Variants in NKAIN2 observed in about 807,000 individuals in gnomAD.
The protein encoded by NKAIN2 is sodium/potassium-transporting ATPase subunit beta-1-interacting protein 2.
A neutral mutation model predicts 32.6 loss-of-function variants in NKAIN2; 14 were observed. The ratio of observed to expected loss-of-function variants is 0.43; its 90% CI spans 0.28 to 0.67. NKAIN2 has a LOEUF of 0.67. Ranked by LOEUF, NKAIN2 falls within the 30% of genes least tolerant of loss-of-function variation. NKAIN2 has a pLI of 0.17. For synonymous variants in NKAIN2, 80 were observed against 87.2 expected (o/e 0.92, Z 0.46); for missense variants, 198 against 258.3 (o/e 0.77, Z 1.60).
intron 3 of NKAIN2, among the ~76,000 whole-genome samples, chr6:124,449,283 G>A (rs1544839): frequency 0.69 from 104,193 of 151,732 alleles, 38,091 homozygotes; most frequent in South Asian, 0.81. Context: ...TTATGTTCCT[G>A]TAATGGCTGC....
rs534443156 is a variant in NKAIN2, at chr6:124,438,285, A to T, written c.273+82938A>T. 2.6e-5 allele frequency among the ~76,000 whole-genome samples: 4 copies of T among 152,210 alleles called. No homozygotes were observed. In the South Asian group the frequency reaches 8.3e-4, roughly 32 times the overall value. ...ATAATGTTTTTTTTCCAAACACTTC[A>T]CCTTATAAACACTACACCCACTCAG... On this transcript the variant is annotated intron_variant, in intron 3 of 6. Coordinates refer to ENST00000368417, the MANE Select transcript of NKAIN2 (RefSeq NM_001040214.3).
Position 124,823,524 on chromosome 6 carries a change from CAGA to C in NKAIN2, c.*298_*300del, listed in dbSNP as rs773117429. 39 of 388,694 alleles carry C rather than the reference CAGA, an allele frequency of 1.0e-4. No homozygotes were observed. The highest frequency in any genetic ancestry group is 1.8e-4 in the Non-Finnish European group (39 of 212,792). The allele number at this position is 388,694 out of a possible 1,614,324, so 24.1% of individuals were successfully genotyped here. On this transcript the variant is annotated 3_prime_UTR_variant, in exon 7 of 7. Transcript: ENST00000368417. ...CTTTCTCCCAGGCCTTCGGAAAGTT[CAGA>C]AGGAGATGTGTTGATGCCCAACGGT...
chr6:124,228,502 C>T (rs967533249), intron 1 of NKAIN2, among the ~76,000 whole-genome samples: 1 of 152,120 alleles, frequency 6.6e-6, no homozygotes, highest in Non-Finnish European at 1.5e-5. Flanking sequence ...AACATCTCTC[C>T]AAAGCCCCAT....
rs556232301 is a variant in NKAIN2, at chr6:124,610,650, A to T, written c.274-47536A>T. Among the ~76,000 whole-genome samples, 17 of 152,276 alleles carry T rather than the reference A, an allele frequency of 1.1e-4. No homozygotes were observed. In the South Asian group the frequency reaches 2.3e-3, roughly 20 times the overall value. On this transcript the variant is annotated intron_variant, in intron 3 of 6. Transcript: ENST00000368417. ...TTTGACACTAGTTTTCTGGAGTACA[A>T]GAGTGTCATTATGTCCTTATGTCTC...
chr6:124,364,963 A>G (rs1420355758), intron 3 of NKAIN2, among the ~76,000 whole-genome samples: 2 of 151,972 alleles, frequency 1.3e-5, no homozygotes, highest in Non-Finnish European at 2.9e-5. Context: ...TATTATGGAA[A>G]TGTTAATGGT....
intron 1 of NKAIN2, among the ~76,000 whole-genome samples, chr6:124,162,308 C>T (rs1315958180): frequency 6.6e-6 from 1 of 152,084 alleles, no homozygotes; most frequent in Non-Finnish European, 1.5e-5. Context: ...AAGACTTCTT[C>T]TACTCAAGTT....
At chr6:124,802,617 A>T (rs1406342425) in intron 5 of NKAIN2, among the ~76,000 whole-genome samples, 2 of 152,010 alleles carry the variant, frequency 1.3e-5, no homozygotes, top group African/African-American at 4.8e-5. Context: ...GTTAGTTCTC[A>T]TCTCCCTCAT....
intron 3 of NKAIN2, among the ~76,000 whole-genome samples, chr6:124,373,152 A>T (rs981094260): frequency 6.6e-6 from 1 of 152,100 alleles, no homozygotes; most frequent in Non-Finnish European, 1.5e-5. Context: ...ATATATCCTA[A>T]TGTCATATAA....
intron 3 of NKAIN2, among the ~76,000 whole-genome samples, chr6:124,544,886 T>A (rs1780038993): frequency 6.6e-6 from 1 of 152,114 alleles, no homozygotes; most frequent in African/African-American, 2.4e-5. Flanking sequence ...TTTTTGGGGA[T>A]CTCTAGATGA....
intron 1 of NKAIN2, among the ~76,000 whole-genome samples, chr6:123,814,106 A>G (rs9490944): frequency 0.038 from 5,729 of 152,160 alleles, 373 homozygotes; most frequent in African/African-American, 0.13. Context: ...TGCCTTTTCT[A>G]TGCACCTGGA....
chr6:124,604,612 A>G (rs570040769), intron 3 of NKAIN2, among the ~76,000 whole-genome samples: 37 of 151,684 alleles, frequency 2.4e-4, no homozygotes, highest in African/African-American at 8.9e-4. Flanking sequence ...TAAAAAATGT[A>G]TTTTTAATAA....
At chr6:124,172,023 A>C (rs1251803041) in intron 1 of NKAIN2, among the ~76,000 whole-genome samples, 4 of 151,026 alleles carry the variant, frequency 2.6e-5, no homozygotes, top group Non-Finnish European at 5.9e-5. Context: ...CGTGTTAGCC[A>C]GGGTGATCTC....
chr6:124,339,172 C>A (rs6909489), intron 2 of NKAIN2, among the ~76,000 whole-genome samples: 42,116 of 151,988 alleles, frequency 0.28, 7,235 homozygotes, highest in African/African-American at 0.49. Flanking sequence ...GAAACCCTAT[C>A]TGTACTAAAA....
chr6:124,528,219 G>A (rs1779391912), intron 3 of NKAIN2, among the ~76,000 whole-genome samples: 2 of 152,184 alleles, frequency 1.3e-5, no homozygotes, highest in African/African-American at 4.8e-5. Context: ...GAAACAGAAA[G>A]ATGTATTCAA....
chr6:124,004,501 C>G (rs1378108541), intron 1 of NKAIN2, among the ~76,000 whole-genome samples: 1 of 151,910 alleles, frequency 6.6e-6, no homozygotes, highest in East Asian at 1.9e-4. Flanking sequence ...TGAAACCGAT[C>G]AACTGCTTTG....
At chr6:123,979,316 A>G (rs180724310) in intron 1 of NKAIN2, among the ~76,000 whole-genome samples, 3 of 152,314 alleles carry the variant, frequency 2.0e-5, no homozygotes, top group Admixed American at 6.5e-5. Context: ...TCGTTATTAC[A>G]TGATTGTGCT....
intron 3 of NKAIN2, among the ~76,000 whole-genome samples, chr6:124,596,889 A>C (rs1782114493): frequency 1.3e-5 from 2 of 152,098 alleles, no homozygotes; most frequent in Non-Finnish European, 2.9e-5. Context: ...AAATGTCCAA[A>C]GGCCTGAGAA....
chr6:124,209,014 T>C (rs1193855459), intron 1 of NKAIN2, among the ~76,000 whole-genome samples: 2 of 151,532 alleles, frequency 1.3e-5, no homozygotes, highest in East Asian at 3.9e-4. Flanking sequence ...TGCCATACAT[T>C]ATTGTTAAAT....
At chr6:124,587,305 A>G (rs1583480094) in intron 3 of NKAIN2, among the ~76,000 whole-genome samples, 1 of 151,780 alleles carries the variant, frequency 6.6e-6, no homozygotes, top group Admixed American at 6.6e-5. Context: ...TCTCGGCTCA[A>G]TGCAACCTCC....
Sources: gnomAD v4.1 joint callset for allele counts (sites outside exome capture counted in the v4.1 genomes callset) on GRCh38, gnomAD v4.1.1 for gene constraint, MANE v1.5 for transcripts, NCBI Gene and HGNC (gene_info 2026-07-23, HGNC 2026-07-21) for gene names.